IL1RL2: variants seen among roughly 807,000 people sequenced by gnomAD.
IL1RL2 encodes interleukin-1 receptor-like 2.
IL1RL2 carries 68 observed loss-of-function variants against 66.8 expected under a neutral mutation model. That is an observed-to-expected ratio of 1.02 (90% CI 0.84 to 1.25). The LOEUF (loss-of-function observed/expected upper bound fraction) is 1.25, where lower values mean the gene tolerates loss of function less well. Ranked by LOEUF, IL1RL2 falls within the 50% of genes most tolerant of loss-of-function variation. The pLI is 0.00. For missense variants in IL1RL2, 729 were observed against 709.3 expected (o/e 1.03, Z -0.32); for synonymous variants, 305 against 264.6 (o/e 1.15, Z -1.48).
At chr2:102,220,148 T>C in intron 8 of IL1RL2, 131 bp downstream of exon 8, 2 of 749,120 alleles carry the variant, frequency 2.7e-6, no homozygotes, top group South Asian at 4.8e-5. Flanking sequence ...AAACTCAGTA[T>C]GAAATCTAGG....
rs74456080 is a variant in IL1RL2 at position 102,231,396 on chromosome 2, A to G, written c.1136-1567A>G. On this transcript the variant is annotated intron_variant, in intron 9 of 11. Coordinates refer to ENST00000264257, the MANE Select transcript of IL1RL2 (RefSeq NM_003854.4). The stretch of plus-strand genomic sequence containing the variant: ...GCCTATAATCCCAGCTACTCAGGAG[A>G]CTGAGGCAGGAGAATCGCTTGAACC... Among the ~76,000 whole-genome samples the G allele has an allele frequency of 2.0e-5, 3 of 152,194 alleles. No homozygotes were observed. The South Asian group carries it at 6.2e-4, about 32-fold the overall frequency.
intron 8 of IL1RL2, 99 bp downstream of exon 8, chr2:102,220,116 A>T: frequency 2.7e-6 from 3 of 1,093,212 alleles, no homozygotes; most frequent in Non-Finnish European, 3.8e-6. Flanking sequence ...AGTGTGAGGC[A>T]TGAGGGTGAT....
rs767515093 is a variant in IL1RL2, at chr2:102,189,282, G to GAATATA, written c.266_267insATATAA (p.Asp89delinsGluTyrAsn). Reference sequence around the variant, plus strand: ...TTTGTTTCTCCCCATGGAATGGGGGGACTCAGGAGTCTACCAATGTGTTAT... The same window carrying GAATATA: ...TTTGTTTCTCCCCATGGAATGGGGGGAATATAACTCAGGAGTCTACCAATGTGTTAT... On this transcript the variant is annotated protein_altering_variant, in exon 3 of 12. Transcript: ENST00000264257. 17 of 1,611,944 alleles carry GAATATA rather than the reference G, an allele frequency of 1.1e-5. No individual in the cohort carries two copies. Among genetic ancestry groups the GAATATA allele is most frequent in the Non-Finnish European group, 1.4e-5 (16 of 1,178,672 alleles).
At chr2:102,204,471 A>C (rs1340910373) in intron 5 of IL1RL2, among the ~76,000 whole-genome samples, 2 of 152,132 alleles carry the variant, frequency 1.3e-5, no homozygotes, top group Non-Finnish European at 2.9e-5. Flanking sequence ...TCCAATGCTG[A>C]AAGTGGGATA....
chr2:102,240,924 C>G (rs1388706091), downstream of IL1RL2, among the ~76,000 whole-genome samples: 1 of 152,264 alleles, frequency 6.6e-6, no homozygotes. Context: ...CATTTCCTCT[C>G]TTGAGACACA....
chr2:102,188,685 T>A (rs1686951490), intron 2 of IL1RL2, among the ~76,000 whole-genome samples: 1 of 151,614 alleles, frequency 6.6e-6, no homozygotes, highest in Non-Finnish European at 1.5e-5. Flanking sequence ...TACCTTTTAC[T>A]CAAGACAGAG....
At chr2:102,230,222 T>A (rs1298542574) in intron 9 of IL1RL2, among the ~76,000 whole-genome samples, 1 of 152,128 alleles carries the variant, frequency 6.6e-6, no homozygotes, top group Non-Finnish European at 1.5e-5. Context: ...CTCCAAAAGT[T>A]CAGAAACATA....
intron 9 of IL1RL2, among the ~76,000 whole-genome samples, chr2:102,230,985 C>T (rs1403861658): frequency 6.6e-6 from 1 of 152,214 alleles, no homozygotes; most frequent in Non-Finnish European, 1.5e-5. Flanking sequence ...CAAGTCTGCT[C>T]ATCCAACAAA....
intron 6 of IL1RL2, among the ~76,000 whole-genome samples, chr2:102,214,251 A>G (rs1012385507): frequency 5.9e-5 from 9 of 152,232 alleles, no homozygotes; most frequent in East Asian, 1.9e-4. Flanking sequence ...GAAGATAAAC[A>G]TAACTTTTAA....
At chr2:102,240,469 A>G (rs1164063972), downstream of IL1RL2, among the ~76,000 whole-genome samples, 2 of 141,732 alleles carry the variant, frequency 1.4e-5, no homozygotes, top group Non-Finnish European at 3.0e-5. Flanking sequence ...TCATATTTTT[A>G]AAACTTTGAA....
downstream of IL1RL2, among the ~76,000 whole-genome samples, chr2:102,241,642 C>G (rs952825156): frequency 5.6e-4 from 86 of 152,304 alleles, no homozygotes; most frequent in African/African-American, 1.9e-3. Flanking sequence ...ATGTGCCAGA[C>G]AGACCCTAAG....
chr2:102,233,210 C>T, intron 10 of IL1RL2, 86 bp downstream of exon 10: 3 of 1,298,886 alleles, frequency 2.3e-6, no homozygotes, highest in Non-Finnish European at 3.2e-6. Context: ...GGCGGTGACT[C>T]TGCCTGCCTT....
intron 10 of IL1RL2, among the ~76,000 whole-genome samples, chr2:102,234,324 T>A (rs182940789): frequency 1.6e-4 from 25 of 152,314 alleles, no homozygotes; most frequent in Admixed American, 1.6e-3. Context: ...AGATACTTGT[T>A]GGCCAGGGAA....
chr2:102,214,721 G>T (rs547856983), intron 6 of IL1RL2, among the ~76,000 whole-genome samples: 1 of 79,780 alleles, frequency 1.3e-5, no homozygotes, highest in Admixed American at 1.2e-4. Flanking sequence ...GCTGGAAACA[G>T]TTAGCCAAGA....
intron 8 of IL1RL2, among the ~76,000 whole-genome samples, chr2:102,220,458 C>G (rs1391393857): frequency 6.6e-6 from 1 of 152,174 alleles, no homozygotes; most frequent in South Asian, 2.1e-4. Context: ...GGGCTTCCAA[C>G]TCAATGTGTG....
In IL1RL2 at chr2:102,220,018, G is replaced by T. The variant is rs1475496972; in HGVS notation, c.991+1G>T. ...GCATACATTATATTACAGCTCCCAGGTAATACTCCAGTGGGTTACACACTG... is the reference window on the plus strand; with the variant it reads ...GCATACATTATATTACAGCTCCCAGTTAATACTCCAGTGGGTTACACACTG... On this transcript the variant is annotated splice_donor_variant, in intron 8 of 11. Transcript: ENST00000264257. LOFTEE classifies it high-confidence loss of function. The T allele has an allele frequency of 1.2e-6, 2 of 1,608,578 alleles. No homozygotes were observed. Among genetic ancestry groups the T allele is most frequent in the South Asian group, 2.2e-5 (2 of 90,830 alleles).
At chr2:102,240,941 A>G (rs1045572047), downstream of IL1RL2, among the ~76,000 whole-genome samples, 3 of 152,254 alleles carry the variant, frequency 2.0e-5, no homozygotes, top group African/African-American at 4.8e-5. Flanking sequence ...CACAGGACAA[A>G]CAAGGTCACG....
At chr2:102,208,729 A>C (rs7566395) in intron 5 of IL1RL2, among the ~76,000 whole-genome samples, 42,622 of 152,090 alleles carry the variant, frequency 0.28, 6,587 homozygotes, top group East Asian at 0.38. Flanking sequence ...TGACTCCCTG[A>C]ATTCCAGCTG....
At chr2:102,193,230 T>C (rs530976323) in intron 4 of IL1RL2, among the ~76,000 whole-genome samples, 2 of 152,320 alleles carry the variant, frequency 1.3e-5, no homozygotes, top group African/African-American at 2.4e-5. Context: ...GAAGTGAGTG[T>C]CCTTATACCT....
Sources: allele counts gnomAD v4.1 joint callset (sites outside exome capture counted in the v4.1 genomes callset), GRCh38; gene constraint gnomAD v4.1.1; transcripts MANE v1.5; gene names NCBI Gene and HGNC (gene_info 2026-07-23, HGNC 2026-07-21).